Variants in NTRK2 observed in about 807,000 individuals in gnomAD.
The protein encoded by NTRK2 is neurotrophic receptor tyrosine kinase 2, also known as BDNF/NT-3 growth factors receptor.
NTRK2 carries 13 observed loss-of-function variants against 94.5 expected under a neutral mutation model. That is an observed-to-expected ratio of 0.14 (90% CI 0.09 to 0.22). NTRK2 has a LOEUF of 0.22. Ranked by LOEUF, NTRK2 falls within the 10% of genes least tolerant of loss-of-function variation. NTRK2 has a pLI of 1.00. For missense variants in NTRK2, 639 were observed against 1,071.2 expected (o/e 0.60, Z 5.63); for synonymous variants, 372 against 407.4 (o/e 0.91, Z 1.05).
At position 84,812,745 on chromosome 9, in the gene NTRK2, G is replaced by C. The variant is rs2071946458; in HGVS notation, c.1397-48295G>C. 4 of 1,040,196 alleles carry C rather than the reference G, an allele frequency of 3.8e-6. 1 individual carries two copies. The Middle Eastern group carries it at 1.3e-3, about 345-fold the overall frequency. The allele number at this position is 1,040,196 out of a possible 1,614,324, so 64.4% of individuals were successfully genotyped here. A position where few individuals can be genotyped will look rare whatever the true frequency, so the allele number is the denominator to read the frequency against. ...TGGATTGTTTAAGAACTATTTTAAA[G>C]TGTTCCAGACCCAAAAAGGAAAAAT... On this transcript the variant is annotated intron_variant, in intron 12 of 18. Coordinates refer to ENST00000277120, the MANE Select transcript of NTRK2 (RefSeq NM_006180.6).
At chr9:84,963,472 A>G (rs1398179556) in intron 17 of NTRK2, among the ~76,000 whole-genome samples, 4 of 152,218 alleles carry the variant, frequency 2.6e-5, no homozygotes, top group African/African-American at 9.7e-5. Flanking sequence ...GATACAAAAT[A>G]ATTGCTTATT....
intron 17 of NTRK2, among the ~76,000 whole-genome samples, chr9:85,010,411 G>A (rs1831433015): frequency 6.6e-6 from 1 of 152,152 alleles, no homozygotes; most frequent in South Asian, 2.1e-4. Flanking sequence ...ATGTTAGATG[G>A]TCTCTTGGGT....
chr9:84,973,630 C>T (rs1182652468), intron 17 of NTRK2, among the ~76,000 whole-genome samples: 2 of 152,192 alleles, frequency 1.3e-5, no homozygotes, highest in Admixed American at 6.5e-5. Flanking sequence ...TGCTAAATAA[C>T]GATTTCTGTG....
At chr9:84,745,921 A>G (rs2064027843) in intron 11 of NTRK2, among the ~76,000 whole-genome samples, 1 of 152,150 alleles carries the variant, frequency 6.6e-6, no homozygotes, top group African/African-American at 2.4e-5. Context: ...CCAGGGGTCT[A>G]TGGTCAGTTG....
At chr9:84,703,558 C>T (rs1162264323) in intron 4 of NTRK2, among the ~76,000 whole-genome samples, 3 of 152,064 alleles carry the variant, frequency 2.0e-5, no homozygotes, top group African/African-American at 4.8e-5. Flanking sequence ...GAGAACAGTT[C>T]CCCAACTGAT....
chr9:84,759,333 A>G (rs2065348713), intron 12 of NTRK2, among the ~76,000 whole-genome samples: 2 of 152,228 alleles, frequency 1.3e-5, no homozygotes, highest in Admixed American at 6.5e-5. Context: ...CATATTGAAA[A>G]TGTGTGTCAG....
chr9:84,929,089 C>T (rs1196296492), intron 14 of NTRK2, among the ~76,000 whole-genome samples: 1 of 152,098 alleles, frequency 6.6e-6, no homozygotes, highest in Admixed American at 6.5e-5. Context: ...TTTTAGATTT[C>T]ATAGCAATGG....
intron 6 of NTRK2, among the ~76,000 whole-genome samples, chr9:84,717,943 T>G (rs2061805921): frequency 6.6e-6 from 1 of 152,170 alleles, no homozygotes; most frequent in Non-Finnish European, 1.5e-5. Flanking sequence ...TCAGAACTTT[T>G]AATTTTCTAA....
At chr9:84,967,233 T>C (rs1825660747) in intron 17 of NTRK2, among the ~76,000 whole-genome samples, 1 of 152,190 alleles carries the variant, frequency 6.6e-6, no homozygotes, top group South Asian at 2.1e-4. Context: ...ACCATGTTCC[T>C]GGACATGCCA....
At chr9:84,699,182 AC>A (rs2060570175) in intron 2 of NTRK2, among the ~76,000 whole-genome samples, 1 of 151,834 alleles carries the variant, frequency 6.6e-6, no homozygotes, top group Non-Finnish European at 1.5e-5. Flanking sequence ...GACTACAGGT[AC>A]CCGCCACCAC....
At chr9:84,763,243 C>T (rs2065743305) in intron 12 of NTRK2, among the ~76,000 whole-genome samples, 1 of 152,126 alleles carries the variant, frequency 6.6e-6, no homozygotes. Context: ...CAGGATTCTT[C>T]TTTTTGAAAC....
intron 12 of NTRK2, among the ~76,000 whole-genome samples, chr9:84,831,925 G>A (rs909650657): frequency 2.0e-5 from 3 of 152,116 alleles, no homozygotes; most frequent in Non-Finnish European, 2.9e-5. Context: ...TAGCTCAGAC[G>A]GAAAGATCTT....
intron 2 of NTRK2, among the ~76,000 whole-genome samples, chr9:84,696,606 T>C (rs2060392981): frequency 6.6e-6 from 1 of 152,170 alleles, no homozygotes; most frequent in East Asian, 1.9e-4. Flanking sequence ...GAGCTAGCAA[T>C]TCAGTTATGG....
intron 17 of NTRK2, among the ~76,000 whole-genome samples, chr9:84,958,208 A>T (rs1824411048): frequency 6.6e-6 from 1 of 152,184 alleles, no homozygotes; most frequent in African/African-American, 2.4e-5. Context: ...TACAAAAAAA[A>T]AACACTGAAT....
chr9:84,734,448 G>A lies in NTRK2; in HGVS notation c.1159+6489G>A, dbSNP rs2132188364. Among the ~76,000 whole-genome samples, 3 of 152,280 alleles carry A rather than the reference G, an allele frequency of 2.0e-5. 1 individual carries two copies. In the Middle Eastern group the frequency reaches 0.01, roughly 518 times the overall value. The stretch of plus-strand genomic sequence containing the variant: ...GAAGCATGGGCTTGCCCAGAAAAAG[G>A]ATCTTGAGACTCTATCATTTTACTA... On this transcript the variant is annotated intron_variant, in intron 9 of 18. Transcript: ENST00000277120.
At chr9:84,719,065 TAA>T (rs1348480785) in intron 6 of NTRK2, among the ~76,000 whole-genome samples, 1 of 152,178 alleles carries the variant, frequency 6.6e-6, no homozygotes, top group Non-Finnish European at 1.5e-5. Context: ...TAATTATTTT[TAA>T]ATGAAATAAT....
intron 14 of NTRK2, among the ~76,000 whole-genome samples, chr9:84,901,257 T>C (rs113726771): frequency 0.077 from 9,954 of 129,260 alleles, 987 homozygotes; most frequent in African/African-American, 0.23. Context: ...GAGTCTCTCC[T>C]TGTCACCCAG....
chr9:84,708,330 C>A (rs964142736), intron 5 of NTRK2, among the ~76,000 whole-genome samples: 6 of 152,166 alleles, frequency 3.9e-5, no homozygotes, highest in African/African-American at 1.4e-4. Flanking sequence ...GGGCAAAACT[C>A]TGCTCACTTT....
intron 2 of NTRK2, among the ~76,000 whole-genome samples, chr9:84,688,579 G>A (rs915874773): frequency 7.9e-5 from 12 of 152,210 alleles, no homozygotes; most frequent in African/African-American, 2.4e-5. Context: ...CAGTCAATGA[G>A]AATTGTTAAA....
Sources: gnomAD v4.1 joint callset for allele counts (sites outside exome capture counted in the v4.1 genomes callset) on GRCh38, gnomAD v4.1.1 for gene constraint, MANE v1.5 for transcripts, NCBI Gene and HGNC (gene_info 2026-07-23, HGNC 2026-07-21) for gene names.